STK32C: variants seen among roughly 807,000 people sequenced by gnomAD.
STK32C encodes serine/threonine-protein kinase 32C.
STK32C carries 31 observed loss-of-function variants against 56.5 expected under a neutral mutation model. The observed-to-expected ratio is 0.55, with a 90% CI of 0.41 to 0.74. The LOEUF (loss-of-function observed/expected upper bound fraction) is 0.74, where lower values mean the gene tolerates loss of function less well. Among genes scored for constraint, STK32C ranks in the 30% least tolerant of loss-of-function variants. STK32C has a pLI of 0.00. For synonymous variants in STK32C, 309 were observed against 289.4 expected (o/e 1.07, Z -0.69); for missense variants, 544 against 676.9 (o/e 0.80, Z 2.18).
chr10:132,298,822 C>T (rs2065832758), intron 1 of STK32C, among the ~76,000 whole-genome samples: 1 of 152,166 alleles, frequency 6.6e-6, no homozygotes, highest in African/African-American at 2.4e-5. Context: ...TCGCTCCAGT[C>T]CCAGTCAAAC....
chr10:132,297,647 G>A (rs868207752), intron 1 of STK32C, among the ~76,000 whole-genome samples: 1 of 152,164 alleles, frequency 6.6e-6, no homozygotes, highest in East Asian at 1.9e-4. Flanking sequence ...GATGACTGAT[G>A]TTTACAAGAA....
intron 1 of STK32C, among the ~76,000 whole-genome samples, chr10:132,301,887 G>A (rs1483685105): frequency 6.6e-6 from 1 of 152,224 alleles, no homozygotes; most frequent in East Asian, 1.9e-4. Flanking sequence ...CAAGGGACCA[G>A]CACCCCGTGG....
chr10:132,224,897 C>T (rs2062828573), intron 7 of STK32C, among the ~76,000 whole-genome samples: 1 of 152,172 alleles, frequency 6.6e-6, no homozygotes, highest in Non-Finnish European at 1.5e-5. Flanking sequence ...TCGCCGTGGC[C>T]ACAAGGGTAA....
chr10:132,262,342 G>A (rs1484850747), intron 1 of STK32C, among the ~76,000 whole-genome samples: 1 of 152,140 alleles, frequency 6.6e-6, no homozygotes, highest in Admixed American at 6.5e-5. Context: ...AGTTCTAGGA[G>A]AAAAGCAGAA....
At chr10:132,257,798 G>A (rs2064177466) in intron 1 of STK32C, among the ~76,000 whole-genome samples, 1 of 151,794 alleles carries the variant, frequency 6.6e-6, no homozygotes, top group Non-Finnish European at 1.5e-5. Flanking sequence ...CACCCCCAGG[G>A]GACCCATCAG....
At chr10:132,214,234 A>C (rs575222652) in intron 10 of STK32C, among the ~76,000 whole-genome samples, 1 of 149,130 alleles carries the variant, frequency 6.7e-6, no homozygotes, top group South Asian at 2.1e-4. Context: ...AATTGCAGAA[A>C]ACCAAAGACA....
intron 2 of STK32C, among the ~76,000 whole-genome samples, chr10:132,236,997 G>A (rs1045480286): frequency 2.6e-5 from 4 of 152,184 alleles, no homozygotes; most frequent in Non-Finnish European, 4.4e-5. Context: ...GTTGTATCAC[G>A]GAAACCCTGT....
chr10:132,328,632 AGTTT>A (rs1057224820), intron 1 of STK32C, among the ~76,000 whole-genome samples: 10 of 152,250 alleles, frequency 6.6e-5, no homozygotes, highest in Non-Finnish European at 1.5e-4. Flanking sequence ...TCCCAAGGTT[AGTTT>A]GGCCTATGCC....
At chr10:132,217,513 T>C (rs1276766337) in intron 10 of STK32C, among the ~76,000 whole-genome samples, 1 of 152,164 alleles carries the variant, frequency 6.6e-6, no homozygotes. Context: ...AAGGCATGAT[T>C]GGTTCTGAAA....
intron 1 of STK32C, 147 bp from the exon 2 acceptor site, chr10:132,246,102 G>A (rs1266658800): frequency 1.7e-5 from 13 of 779,136 alleles, no homozygotes; most frequent in Middle Eastern, 3.0e-4. Context: ...CCAAACTCTC[G>A]CTCCTGTGCG....
At chr10:132,258,564 T>G (rs1318447317) in intron 1 of STK32C, among the ~76,000 whole-genome samples, 1 of 152,234 alleles carries the variant, frequency 6.6e-6, no homozygotes, top group Non-Finnish European at 1.5e-5. Context: ...CCCGGGTGGC[T>G]GGGCCAGCGC....
intron 2 of STK32C, among the ~76,000 whole-genome samples, chr10:132,244,480 G>A (rs1013408038): frequency 6.6e-6 from 1 of 152,174 alleles, no homozygotes; most frequent in East Asian, 1.9e-4. Flanking sequence ...GGGGCAACAG[G>A]GGCAATGGGG....
chr10:132,242,303 A>G (rs111459180), intron 2 of STK32C, among the ~76,000 whole-genome samples: 138 of 152,096 alleles, frequency 9.1e-4, no homozygotes, highest in African/African-American at 3.2e-3. Flanking sequence ...AGGACACGGG[A>G]CGAGTGGGGG....
At chr10:132,296,188 C>T (rs1326774659) in intron 1 of STK32C, among the ~76,000 whole-genome samples, 1 of 151,416 alleles carries the variant, frequency 6.6e-6, no homozygotes, top group African/African-American at 2.4e-5. Flanking sequence ...AGTTAAAGGA[C>T]ATTTTACAAC....
At chr10:132,209,270 G>T (rs775782617) in intron 10 of STK32C, 169 bp from the exon 11 acceptor site, 12 of 713,582 alleles carry the variant, frequency 1.7e-5, no homozygotes, top group Non-Finnish European at 2.8e-5. Context: ...CTGCCCGGGA[G>T]CTCGCATCTC....
chr10:132,245,073 C>A (rs569504608), intron 2 of STK32C, among the ~76,000 whole-genome samples: 1 of 152,310 alleles, frequency 6.6e-6, no homozygotes, highest in African/African-American at 2.4e-5. Context: ...GTTTGCTATA[C>A]AATGAAATGG....
chr10:132,280,613 C>CCACGCCCCTGCACTCCGTGAT (rs2065159735), intron 1 of STK32C, among the ~76,000 whole-genome samples: 2 of 113,212 alleles, frequency 1.8e-5, no homozygotes, highest in African/African-American at 3.2e-5. Flanking sequence ...CACTCTGTGA[C>CCACGCCCCTGCACTCCGTGAT]CACGCCCCTG....
At chr10:132,233,299 G>T (rs1028803282) in intron 2 of STK32C, among the ~76,000 whole-genome samples, 1 of 152,164 alleles carries the variant, frequency 6.6e-6, no homozygotes, top group South Asian at 2.1e-4. Flanking sequence ...CACTCCAGAG[G>T]CAGTTCCATC....
intron 2 of STK32C, among the ~76,000 whole-genome samples, chr10:132,232,205 T>TG (rs11380527): frequency 0.74 from 112,230 of 152,142 alleles, 41,517 homozygotes; most frequent in Admixed American, 0.79. Context: ...GTGGGGAGCC[T>TG]GTCCTGCCCC....
Sources: gnomAD v4.1 joint callset for allele counts (sites outside exome capture counted in the v4.1 genomes callset) on GRCh38, gnomAD v4.1.1 for gene constraint, MANE v1.5 for transcripts, NCBI Gene and HGNC (gene_info 2026-07-23, HGNC 2026-07-21) for gene names.